LRATD1: variants seen among roughly 807,000 people sequenced by gnomAD.
LRATD1 encodes the protein protein LRATD1.
A neutral mutation model predicts 21.3 loss-of-function variants in LRATD1; 8 were observed. That is an observed-to-expected ratio of 0.38 (90% confidence interval 0.22 to 0.68). The LOEUF is 0.68. Among genes scored for constraint, LRATD1 ranks in the 30% least tolerant of loss-of-function variants. The probability of loss-of-function intolerance (pLI) is 0.54; values close to 1 mark genes in which losing one functional copy is unlikely to be tolerated. For missense variants in LRATD1, 380 were observed against 404.0 expected (o/e 0.94, Z 0.51); for synonymous variants, 210 against 186.2 (o/e 1.13, Z -1.04).
In LRATD1 at chr2:14,639,955, G is replaced by A. The variant is rs1671778050; in HGVS notation, c.*5097G>A. On this transcript the variant is annotated 3_prime_UTR_variant, in exon 2 of 2. Transcript: ENST00000295092. ...AGGCTCTTGGAAATATAACTTATGG[G>A]GCTTAAGGCTAATTTGAGTTGAAGG... The A allele has an allele frequency of 6.0e-6, 1 of 167,050 alleles. No homozygotes were observed. Among genetic ancestry groups the A allele is most frequent in the Non-Finnish European group, 1.5e-5 (1 of 68,118 alleles). 10.3% of individuals were successfully genotyped at this position (167,050 alleles called of 1,614,324 possible). A position where few individuals can be genotyped will look rare whatever the true frequency, so the allele number is the denominator to read the frequency against.
intron 4 of LRATD1, among the ~76,000 whole-genome samples, chr2:14,649,147 G>T (rs1171986147): frequency 1.3e-5 from 2 of 152,084 alleles, no homozygotes; most frequent in Non-Finnish European, 2.9e-5. Flanking sequence ...TTTGACCTAT[G>T]TTGATAACTC....
At position 14,633,763 on chromosome 2, in the gene LRATD1, G is replaced by A. The variant is rs1424719095; in HGVS notation, c.-36-181G>A. 4.9e-6 allele frequency: 3 copies of A among 616,924 alleles called. No individual in the cohort carries two copies. In the South Asian group the frequency reaches 6.3e-5, roughly 13 times the overall value. 38.2% of individuals were successfully genotyped at this position (616,924 alleles called of 1,614,324 possible). A position where few individuals can be genotyped will look rare whatever the true frequency, so the allele number is the denominator to read the frequency against. The stretch of plus-strand genomic sequence containing the variant: ...TGGCGTCTGCTCTCGCCTGACCTGT[G>A]GCGGCTTCTCCGCCCCTCGTACCCC... On this transcript the variant is annotated intron_variant, in intron 1 of 1. Transcript: ENST00000295092. This position sits in a 1 kb window ranked among gnomAD's most constrained non-coding sequence, Gnocchi z 7.5.
At position 14,634,990 on chromosome 2, in the gene LRATD1, G is replaced by T. The variant is rs1388164018; in HGVS notation, c.*132G>T. ...CACGCGCGTCCGCCGCCGGTGGCCC[G>T]GGCCCGGGCTGCACCCCCGCATCCC... On this transcript the variant is annotated 3_prime_UTR_variant, in exon 2 of 2. Coordinates refer to ENST00000295092, the MANE Select transcript of LRATD1 (RefSeq NM_145175.4). The T allele has an allele frequency of 7.9e-7, 1 of 1,259,330 alleles. No homozygotes were observed. The highest frequency in any genetic ancestry group is 1.1e-6 in the Non-Finnish European group (1 of 909,826). The allele number at this position is 1,259,330 out of a possible 1,614,324, so 78.0% of individuals were successfully genotyped here. A position where few individuals can be genotyped will look rare whatever the true frequency, so the allele number is the denominator to read the frequency against.
chr2:14,649,257 T>C (rs1485761603), intron 4 of LRATD1: 4 of 456,534 alleles, frequency 8.8e-6, no homozygotes, highest in Non-Finnish European at 1.8e-5. Context: ...TCAGGAAATA[T>C]ATGACTTCAT....
chr2:14,649,939 T>C (rs1332938440), downstream of LRATD1: 1 of 152,608 alleles, frequency 6.6e-6, no homozygotes, highest in African/African-American at 2.4e-5. Context: ...TCTAACACCA[T>C]GTGAGGACAC....
In LRATD1 at chr2:14,635,521, TG is replaced by T; in HGVS notation, c.*664del. The T allele has an allele frequency of 2.1e-6, 1 of 471,206 alleles. No homozygotes were observed. Among genetic ancestry groups the T allele is most frequent in the Non-Finnish European group, 4.4e-6 (1 of 227,074 alleles). 29.2% of individuals were successfully genotyped at this position (471,206 alleles called of 1,614,324 possible). On this transcript the variant is annotated 3_prime_UTR_variant, in exon 2 of 2. Transcript: ENST00000295092. Reference sequence around the variant, plus strand: ...GCTGCGGGCTAAGCCAGACAGTGTTTGCCTCCGGTTCTTTCCACCGTGGGAA... The same window carrying T: ...GCTGCGGGCTAAGCCAGACAGTGTTTCCTCCGGTTCTTTCCACCGTGGGAA...
intron 5 of LRATD1, chr2:14,649,512 C>G: frequency 5.3e-6 from 2 of 379,492 alleles, no homozygotes; most frequent in Non-Finnish European, 1.0e-5. Flanking sequence ...ATCAGGAGAT[C>G]CCACCCAAGC....
In LRATD1 at chr2:14,635,693, G is replaced by C. The variant is rs139948660; in HGVS notation, c.*835G>C. The C allele has an allele frequency of 1.2e-3, 558 of 454,520 alleles. 5 individuals are homozygous for C. The highest frequency in any genetic ancestry group is 0.01 in the African/African-American group (522 of 49,796). 28.2% of individuals were successfully genotyped at this position (454,520 alleles called of 1,614,324 possible). ...CGACAAGGAGCTCGCTCGTTCACCT[G>C]GTGTCTGGGAACTTGAATGTGTGAA... On this transcript the variant is annotated 3_prime_UTR_variant, in exon 2 of 2. Coordinates refer to ENST00000295092, the MANE Select transcript of LRATD1 (RefSeq NM_145175.4).
chr2:14,635,255 C>A lies in LRATD1; in HGVS notation c.*397C>A, dbSNP rs1163290192. 1.9e-6 allele frequency: 1 copy of A among 516,184 alleles called. No homozygotes were observed. The highest frequency in any genetic ancestry group is 3.9e-6 in the Non-Finnish European group (1 of 257,066). 32.0% of individuals were successfully genotyped at this position (516,184 alleles called of 1,614,324 possible). Reference sequence around the variant, plus strand: ...AAACAACCCTCTTCTCAAAAGGGACCATCACCGCCCCGAGCGTGCGCACAC... The same window carrying A: ...AAACAACCCTCTTCTCAAAAGGGACAATCACCGCCCCGAGCGTGCGCACAC... On this transcript the variant is annotated 3_prime_UTR_variant, in exon 2 of 2. Coordinates refer to ENST00000295092, the MANE Select transcript of LRATD1 (RefSeq NM_145175.4).
rs917210780 is a variant in LRATD1, at chr2:14,640,013, G to C, written c.*5155G>C. On this transcript the variant is annotated 3_prime_UTR_variant, in exon 2 of 2. Coordinates refer to ENST00000295092, the MANE Select transcript of LRATD1 (RefSeq NM_145175.4). ...TAATATTTGATTTGCTTTTAGCAGAGAAAACAATAAAAGAATCCAGGAAAA... is the reference window on the plus strand; with the variant it reads ...TAATATTTGATTTGCTTTTAGCAGACAAAACAATAAAAGAATCCAGGAAAA... 6.0e-6 allele frequency: 1 copy of C among 167,072 alleles called. No individual in the cohort carries two copies. Among genetic ancestry groups the C allele is most frequent in the Non-Finnish European group, 1.5e-5 (1 of 68,090 alleles). 10.3% of individuals were successfully genotyped at this position (167,072 alleles called of 1,614,324 possible). A position where few individuals can be genotyped will look rare whatever the true frequency, so the allele number is the denominator to read the frequency against.
chr2:14,637,935 T>C lies in LRATD1; in HGVS notation c.*3077T>C, dbSNP rs1027144123. ...TCCTCAAGAGACAACAGGTTCACAG[T>C]AATTTCCATGATGTTGGGTGTGGCT... On this transcript the variant is annotated 3_prime_UTR_variant, in exon 2 of 2. Transcript: ENST00000295092. 2 of 167,046 alleles carry C rather than the reference T, an allele frequency of 1.2e-5. No individual in the cohort carries two copies. Among genetic ancestry groups the C allele is most frequent in the East Asian group, 1.9e-4 (1 of 5,202 alleles). 10.3% of individuals were successfully genotyped at this position (167,046 alleles called of 1,614,324 possible).
Position 14,635,013 on chromosome 2 carries a change from C to A in LRATD1, c.*155C>A. The A allele has an allele frequency of 9.3e-7, 1 of 1,075,362 alleles. No individual in the cohort carries two copies. The highest frequency in any genetic ancestry group is 1.4e-5 in the South Asian group (1 of 69,472). 66.6% of individuals were successfully genotyped at this position (1,075,362 alleles called of 1,614,324 possible). ...CCGGGCCCGGGCTGCACCCCCGCAT[C>A]CCCAAGCCAGCGGCAGGAAGTCTCA... On this transcript the variant is annotated 3_prime_UTR_variant, in exon 2 of 2. Transcript: ENST00000295092.
intron 4 of LRATD1, chr2:14,649,178 C>T (rs924928536): frequency 5.6e-5 from 24 of 431,466 alleles, no homozygotes; most frequent in Admixed American, 2.2e-4. Context: ...TCCTCTAGAG[C>T]ATGAGCATGT....
rs1041263256 is a variant in LRATD1, at chr2:14,638,922, TG to T, written c.*4065del. On this transcript the variant is annotated 3_prime_UTR_variant, in exon 2 of 2. Coordinates refer to ENST00000295092, the MANE Select transcript of LRATD1 (RefSeq NM_145175.4). Reference sequence around the variant, plus strand: ...AATGGTTATCTAACACTCAAGTCAATGTTTTTTTTGAAATTACTAGCTATTG... The same window carrying T: ...AATGGTTATCTAACACTCAAGTCAATTTTTTTTTGAAATTACTAGCTATTG... The T allele has an allele frequency of 2.4e-5, 4 of 166,962 alleles. No individual in the cohort carries two copies. The highest frequency in any genetic ancestry group is 9.7e-5 in the African/African-American group (4 of 41,416). 10.3% of individuals were successfully genotyped at this position (166,962 alleles called of 1,614,324 possible).
At chr2:14,641,690 T>A (rs542244735), downstream of LRATD1, among the ~76,000 whole-genome samples, 5 of 152,282 alleles carry the variant, frequency 3.3e-5, no homozygotes, top group African/African-American at 9.6e-5. Flanking sequence ...CCGACTTGCA[T>A]TTCCTTCAAC....
rs1404751264 is a variant in LRATD1, at chr2:14,635,994, A to G, written c.*1136A>G. The G allele has an allele frequency of 8.7e-6, 2 of 230,644 alleles. No homozygotes were observed. Among genetic ancestry groups the G allele is most frequent in the Non-Finnish European group, 1.9e-5 (2 of 105,016 alleles). The allele number at this position is 230,644 out of a possible 1,614,324, so 14.3% of individuals were successfully genotyped here. A position where few individuals can be genotyped will look rare whatever the true frequency, so the allele number is the denominator to read the frequency against. ...TATCGTGTTGATGTTTTTATTGACC[A>G]TTTTAGCAACAGGCTAATAAAATTT... On this transcript the variant is annotated 3_prime_UTR_variant, in exon 2 of 2. Coordinates refer to ENST00000295092, the MANE Select transcript of LRATD1 (RefSeq NM_145175.4).
In LRATD1 at chr2:14,635,207, C is replaced by G. The variant is rs1228874449; in HGVS notation, c.*349C>G. 1 of 590,830 alleles carries G rather than the reference C, an allele frequency of 1.7e-6. No individual in the cohort carries two copies. The highest frequency in any genetic ancestry group is 2.2e-5 in the Admixed American group (1 of 45,970). The allele number at this position is 590,830 out of a possible 1,614,324, so 36.6% of individuals were successfully genotyped here. A position where few individuals can be genotyped will look rare whatever the true frequency, so the allele number is the denominator to read the frequency against. On this transcript the variant is annotated 3_prime_UTR_variant, in exon 2 of 2. Coordinates refer to ENST00000295092, the MANE Select transcript of LRATD1 (RefSeq NM_145175.4). ...CATGGCCTTCCCCGCGAGTCCATGG[C>G]CAGTGACTGTGGCCCGACTCGAAAA...
In LRATD1 at chr2:14,634,918, CA is replaced by C. The variant is rs1671649846; in HGVS notation, c.*61del. 1 of 1,533,364 alleles carries C rather than the reference CA, an allele frequency of 6.5e-7. No homozygotes were observed. Among genetic ancestry groups the C allele is most frequent in the Non-Finnish European group, 8.8e-7 (1 of 1,136,538 alleles). 95.0% of individuals were successfully genotyped at this position (1,533,364 alleles called of 1,614,324 possible). A position where few individuals can be genotyped will look rare whatever the true frequency, so the allele number is the denominator to read the frequency against. The stretch of plus-strand genomic sequence containing the variant: ...GCACCTCGCTCCCTTCCCTTCCCCG[CA>C]CCCGGACTTCGCAGTCAGCGGTTCT... On this transcript the variant is annotated 3_prime_UTR_variant, in exon 2 of 2. Coordinates refer to ENST00000295092, the MANE Select transcript of LRATD1 (RefSeq NM_145175.4).
chr2:14,650,285 C>T (rs1280703157), downstream of LRATD1: 1 of 152,126 alleles, frequency 6.6e-6, no homozygotes, highest in African/African-American at 2.4e-5. Flanking sequence ...CTGGCTGTTC[C>T]CAGCTCCAGG....
Sources: gnomAD v4.1 joint callset for allele counts (sites outside exome capture counted in the v4.1 genomes callset) on GRCh38, gnomAD v4.1.1 for gene constraint, Gnocchi (gnomAD v3.1) non-coding constraint, MANE v1.5 for transcripts, NCBI Gene and HGNC (gene_info 2026-07-23, HGNC 2026-07-21) for gene names.